KASH5: variants seen among roughly 807,000 people sequenced by gnomAD.
KASH5 encodes the protein KASH domain containing 5, also known as protein KASH5.
A neutral mutation model predicts 84.2 loss-of-function variants in KASH5; 72 were observed. The ratio of observed to expected loss-of-function variants is 0.85; its 90% CI spans 0.71 to 1.04. KASH5 has a LOEUF of 1.04. Among genes scored for constraint, KASH5 ranks in the 50% least tolerant of loss-of-function variants. KASH5 has a pLI of 0.00. For synonymous variants in KASH5, 260 were observed against 279.1 expected, an observed-to-expected ratio of 0.93 and a Z score of 0.68; for missense variants, 650 against 701.0, an observed-to-expected ratio of 0.93 and a Z score of 0.82.
chr19:49,406,565 C>T (rs1386851950), intron 9 of KASH5, among the ~76,000 whole-genome samples: 1 of 152,008 alleles, frequency 6.6e-6, no homozygotes, highest in Non-Finnish European at 1.5e-5. Context: ...TTAGTAGAGA[C>T]GGGGTTTCAC....
rs2146852325 is a variant in KASH5 at position 49,395,539 on chromosome 19, T to C, written c.336-230T>C. Among the ~76,000 whole-genome samples the C allele has an allele frequency of 6.7e-6, 1 of 150,128 alleles. No homozygotes were observed. Among genetic ancestry groups the C allele is most frequent in the Middle Eastern group, 3.4e-3 (1 of 290 alleles). On this transcript the variant is annotated intron_variant, in intron 4 of 19. Coordinates refer to ENST00000447857, the MANE Select transcript of KASH5 (RefSeq NM_144688.5). This position sits in a 1 kb window ranked among gnomAD's most constrained non-coding sequence, Gnocchi z 4.4. ...AAAATGGGGCTGGAGAAGGGAGGAG[T>C]TTGGGGCTGACAGAGGTCCCTCCCC...
In KASH5 at chr19:49,399,172, CCT is replaced by C; in HGVS notation, c.747+37_747+38del. ...GTCTGGCCCAGGGGAAGGAAGGTGCCCTCTCTCTTCTTTGTTTCCTGGAGTCA... is the reference window on the plus strand; with the variant it reads ...GTCTGGCCCAGGGGAAGGAAGGTGCCCTCTCTTCTTTGTTTCCTGGAGTCA... On this transcript the variant is annotated intron_variant, in intron 8 of 19. Coordinates refer to ENST00000447857, the MANE Select transcript of KASH5 (RefSeq NM_144688.5). The surrounding 1 kb of genome is among the most constrained non-coding windows in gnomAD (Gnocchi z 4.4). The C allele has an allele frequency of 6.6e-7, 1 of 1,514,836 alleles. No homozygotes were observed. The highest frequency in any genetic ancestry group is 8.9e-7 in the Non-Finnish European group (1 of 1,123,854). The allele number at this position is 1,514,836 out of a possible 1,614,324, so 93.8% of individuals were successfully genotyped here. A position where few individuals can be genotyped will look rare whatever the true frequency, so the allele number is the denominator to read the frequency against.
At position 49,414,434 on chromosome 19, in the gene KASH5, A is replaced by C. The variant is rs2122232185; in HGVS notation, c.1329-517A>C. Among the ~76,000 whole-genome samples the C allele has an allele frequency of 6.6e-6, 1 of 152,042 alleles. No individual in the cohort carries two copies. The highest frequency in any genetic ancestry group is 2.4e-5 in the African/African-American group (1 of 41,468). On this transcript the variant is annotated intron_variant, in intron 16 of 19. Coordinates refer to ENST00000447857, the MANE Select transcript of KASH5 (RefSeq NM_144688.5). This position sits in a 1 kb window ranked among gnomAD's most constrained non-coding sequence, Gnocchi z 4.5. ...AGTGACAGTCATTGAAAAATGGCTC[A>C]ACCCACTAGACAGGAAGGGGGTTTC...
In KASH5 at chr19:49,399,589, C is replaced by T. The variant is rs1043694949; in HGVS notation, c.798+82C>T. 6.4e-7 allele frequency: 1 copy of T among 1,552,482 alleles called. No homozygotes were observed. Among genetic ancestry groups the T allele is most frequent in the African/African-American group, 1.4e-5 (1 of 73,126 alleles). On this transcript the variant is annotated intron_variant, in intron 9 of 19. Coordinates refer to ENST00000447857, the MANE Select transcript of KASH5 (RefSeq NM_144688.5). This position sits in a 1 kb window ranked among gnomAD's most constrained non-coding sequence, Gnocchi z 4.4. ...ACACCACTCCCTTCTGCCCCCAACA[C>T]CCCAGCAGCCTGTCTTGGGGAGACC... is the stretch of plus-strand genomic sequence containing the variant.
At chr19:49,397,112 C>G (rs939831465) in intron 5 of KASH5, among the ~76,000 whole-genome samples, 1 of 150,568 alleles carries the variant, frequency 6.6e-6, no homozygotes, top group African/African-American at 2.5e-5. Flanking sequence ...ATACAAAAAA[C>G]GGTGGGGAAG....
At chr19:49,398,360 TTCTC>T (rs1027060562) in intron 7 of KASH5, among the ~76,000 whole-genome samples, 15 of 151,284 alleles carry the variant, frequency 9.9e-5, no homozygotes, top group South Asian at 4.2e-4. Flanking sequence ...GGGTTCAGAC[TTCTC>T]TCTCTCTCTT....
chr19:49,410,118 C>A (rs918769265), intron 15 of KASH5, among the ~76,000 whole-genome samples: 2 of 152,234 alleles, frequency 1.3e-5, no homozygotes, highest in Non-Finnish European at 2.9e-5. Flanking sequence ...ACAAGTTGCA[C>A]TGTGGCTTTT....
chr19:49,407,723 C>T, intron 12 of KASH5, 52 bp downstream of exon 12: 1 of 1,547,046 alleles, frequency 6.5e-7, no homozygotes. Context: ...TTCTCTTTTG[C>T]CATCTCTGGG....
chr19:49,389,864 T>A (rs1973946482), intron 1 of KASH5: 1 of 152,688 alleles, frequency 6.5e-6, no homozygotes, highest in Non-Finnish European at 1.5e-5. Context: ...CAGCTGCAAG[T>A]GGGGCTGGCA....
chr19:49,399,368 C>T lies in KASH5; in HGVS notation c.748-89C>T. ...CTTCCCAGACCCATTCCCCCAGGCC[C>T]TGGTTGTGTTTTCAGGGGTGGGAGA... On this transcript the variant is annotated intron_variant, in intron 8 of 19. Transcript: ENST00000447857. The surrounding 1 kb of genome is among the most constrained non-coding windows in gnomAD (Gnocchi z 4.4). 1 of 1,315,416 alleles carries T rather than the reference C, an allele frequency of 7.6e-7. No individual in the cohort carries two copies. 81.5% of individuals were successfully genotyped at this position (1,315,416 alleles called of 1,614,324 possible). A position where few individuals can be genotyped will look rare whatever the true frequency, so the allele number is the denominator to read the frequency against.
At chr19:49,411,013 A>G (rs1176774437) in intron 15 of KASH5, among the ~76,000 whole-genome samples, 1 of 151,270 alleles carries the variant, frequency 6.6e-6, no homozygotes, top group African/African-American at 2.4e-5. Context: ...ATCACAGCTC[A>G]CTGCAGCCTC....
At chr19:49,392,368 T>C (rs1360339044) in intron 2 of KASH5, among the ~76,000 whole-genome samples, 1 of 151,334 alleles carries the variant, frequency 6.6e-6, no homozygotes, top group Admixed American at 6.6e-5. Context: ...CAAAGAGAAA[T>C]GTAACGAAGA....
At chr19:49,397,748 C>T (rs773102143) in intron 6 of KASH5, 31 bp downstream of exon 6, 6 of 1,608,362 alleles carry the variant, frequency 3.7e-6, no homozygotes, top group South Asian at 2.2e-5. Context: ...CCCTGACCCT[C>T]CTGCCCACAC....
chr19:49,409,343 CCCTACTCTGAT>C, intron 14 of KASH5, 60 bp downstream of exon 14: 1 of 1,528,060 alleles, frequency 6.5e-7, no homozygotes, highest in South Asian at 1.2e-5. Flanking sequence ...CCAAACATCT[CCCTACTCTGAT>C]CCTCACACCA....
rs906444528 is a variant in KASH5 at position 49,398,048 on chromosome 19, G to A, written c.534G>A (p.Gly178=). The change falls in exon 7 of 20, where the codon GGG becomes GGA. Residue 178 remains glycine, a synonymous_variant. Coordinates refer to ENST00000447857, the MANE Select transcript of KASH5 (RefSeq NM_144688.5). ...DLELSNRRLV[G]ENAKLQRSME... ...AGCTCAGCAACCGACGTCTGGTTGGGGAGAATGCCAAATTGCAGCGGAGCA... is the reference window on the plus strand; with the variant it reads ...AGCTCAGCAACCGACGTCTGGTTGGAGAGAATGCCAAATTGCAGCGGAGCA... The A allele has an allele frequency of 6.2e-7, 1 of 1,613,720 alleles. No individual in the cohort carries two copies. The highest frequency in any genetic ancestry group is 8.5e-7 in the Non-Finnish European group (1 of 1,179,820).
chr19:49,410,981 C>A (rs575332831), intron 15 of KASH5, among the ~76,000 whole-genome samples: 3 of 151,240 alleles, frequency 2.0e-5, no homozygotes, highest in African/African-American at 7.3e-5. Context: ...CTCTGTTGCC[C>A]CGGCTGGGGT....
chr19:49,407,829 C>G (rs895175636), intron 12 of KASH5, among the ~76,000 whole-genome samples, 158 bp downstream of exon 12: 1 of 152,222 alleles, frequency 6.6e-6, no homozygotes, highest in Non-Finnish European at 1.5e-5. Context: ...GTCTCCCCCT[C>G]TGTTTCTGTA....
intron 17 of KASH5, chr19:49,415,291 C>T (rs117137947): frequency 0.017 from 8,270 of 497,168 alleles, 121 homozygotes; most frequent in Non-Finnish European, 0.024. Context: ...GCTACACCCC[C>T]GGATTGCATA....
At chr19:49,397,877 C>A in intron 6 of KASH5, 105 bp from the exon 7 acceptor site, 1 of 1,462,602 alleles carries the variant, frequency 6.8e-7, no homozygotes, top group Non-Finnish European at 9.3e-7. Flanking sequence ...TCCTGTTTAT[C>A]TTTCCCCAAA....
Sources: gnomAD v4.1 joint callset for allele counts (sites outside exome capture counted in the v4.1 genomes callset) on GRCh38, gnomAD v4.1.1 for gene constraint, Gnocchi (gnomAD v3.1) non-coding constraint, MANE v1.5 for transcripts, NCBI Gene and HGNC (gene_info 2026-07-23, HGNC 2026-07-21) for gene names.